Variants in LARGE1 observed in about 807,000 individuals in gnomAD.
LARGE1 encodes the protein LARGE xylosyl- and glucuronyltransferase 1.
LARGE1 carries 43 observed loss-of-function variants against 87.6 expected under a neutral mutation model. The observed-to-expected ratio is 0.49, with a 90% confidence interval of 0.38 to 0.63. LARGE1 has a LOEUF of 0.63. Among genes scored for constraint, LARGE1 ranks in the 30% least tolerant of loss-of-function variants. LARGE1 has a pLI of 0.00. For missense variants in LARGE1, 802 were observed against 1,000.2 expected (o/e 0.80, Z 2.67); for synonymous variants, 434 against 394.6 (o/e 1.10, Z -1.18).
intron 2 of LARGE1, among the ~76,000 whole-genome samples, chr22:33,686,284 G>A (rs2081940353): frequency 1.3e-5 from 2 of 152,038 alleles, no homozygotes; most frequent in Admixed American, 1.3e-4. Flanking sequence ...TTTCCCTGGT[G>A]TACCCAATCC....
intron 11 of LARGE1, among the ~76,000 whole-genome samples, chr22:33,171,218 A>G (rs1306538584): frequency 6.6e-6 from 1 of 152,204 alleles, no homozygotes; most frequent in Non-Finnish European, 1.5e-5. Flanking sequence ...GAAAGCATTC[A>G]GTCATATGGG....
intron 7 of LARGE1, among the ~76,000 whole-genome samples, chr22:33,394,081 C>CAAAAAAAAAAAAAAA (rs66531142): frequency 9.1e-6 from 1 of 109,988 alleles, no homozygotes. Context: ...GTGCAACTGC[C>CAAAAAAAAAAAAAAA]AAAAAAAAAA....
At chr22:33,683,410 T>A (rs1016311017) in intron 2 of LARGE1, among the ~76,000 whole-genome samples, 5 of 152,228 alleles carry the variant, frequency 3.3e-5, no homozygotes, top group Non-Finnish European at 7.3e-5. Flanking sequence ...TGGAACTATA[T>A]CATTGGCTCT....
intron 9 of LARGE1, among the ~76,000 whole-genome samples, chr22:33,362,451 A>G (rs2064421742): frequency 6.7e-6 from 1 of 149,740 alleles, no homozygotes; most frequent in Non-Finnish European, 1.5e-5. Flanking sequence ...TTGCCTCTTC[A>G]GTGAAAACAC....
chr22:33,918,435 G>A (rs1441888299), intron 1 of LARGE1, among the ~76,000 whole-genome samples: 1 of 152,176 alleles, frequency 6.6e-6, no homozygotes, highest in African/African-American at 2.4e-5. Context: ...GTTCGAGTGA[G>A]TTTTCTTCCT....
chr22:33,282,852 G>A (rs1426935917), intron 13 of LARGE1, among the ~76,000 whole-genome samples: 1 of 152,168 alleles, frequency 6.6e-6, no homozygotes, highest in Non-Finnish European at 1.5e-5. Context: ...GCACACAAAA[G>A]GGAGAACTCG....
intron 5 of LARGE1, 35 bp downstream of exon 5, chr22:33,604,400 G>T: frequency 6.2e-7 from 1 of 1,613,662 alleles, no homozygotes; most frequent in Non-Finnish European, 8.5e-7. Flanking sequence ...TCCAGCTAGA[G>T]GAGATCACGG....
In LARGE1 at chr22:33,431,381, T is replaced by A. The variant is rs887663276; in HGVS notation, c.892+780A>T. On this transcript the variant is annotated intron_variant, in intron 7 of 14. Coordinates refer to ENST00000397394, the MANE Select transcript of LARGE1 (RefSeq NM_133642.5). ...ACAGAGAAAGAAACTGAAGAGGAGA[T>A]GCAAGTTTGGGGCTAGTAACGAGGT... Among the ~76,000 whole-genome samples, 4 of 125,304 alleles carry A rather than the reference T, an allele frequency of 3.2e-5. No homozygotes were observed. In the East Asian group the frequency reaches 7.9e-4, roughly 25 times the overall value. The allele number at this position is 125,304 out of a possible 152,430, so 82.2% of individuals were successfully genotyped here. A position where few individuals can be genotyped will look rare whatever the true frequency, so the allele number is the denominator to read the frequency against.
intron 8 of LARGE1, among the ~76,000 whole-genome samples, chr22:33,382,905 C>T (rs2065204108): frequency 6.6e-6 from 1 of 152,080 alleles, no homozygotes; most frequent in South Asian, 2.1e-4. Flanking sequence ...TACTCTATCT[C>T]ATGTTTGAAA....
chr22:33,827,435 A>C (rs1032957538), intron 1 of LARGE1, among the ~76,000 whole-genome samples: 1 of 152,194 alleles, frequency 6.6e-6, no homozygotes, highest in Non-Finnish European at 1.5e-5. Flanking sequence ...CCCCGCCAAA[A>C]AAATACACAT....
chr22:33,093,938 C>T, the LARGE1 span, among the ~76,000 whole-genome samples: 1 of 150,278 alleles, frequency 6.7e-6, no homozygotes. Flanking sequence ...AAGCCATTCT[C>T]CTACCTCAGC....
intron 5 of LARGE1, among the ~76,000 whole-genome samples, chr22:33,599,621 T>C (rs990300343): frequency 6.6e-6 from 1 of 152,196 alleles, no homozygotes; most frequent in African/African-American, 2.4e-5. Flanking sequence ...TTCCCACAGT[T>C]CGTTTTTAAT....
intron 11 of LARGE1, among the ~76,000 whole-genome samples, chr22:33,245,594 C>T (rs988792589): frequency 6.6e-6 from 1 of 152,188 alleles, no homozygotes. Flanking sequence ...GATCTTGATG[C>T]TATTTCAAAC....
chr22:33,580,081 C>T (rs1474641554), intron 5 of LARGE1, among the ~76,000 whole-genome samples: 1 of 152,132 alleles, frequency 6.6e-6, no homozygotes, highest in Non-Finnish European at 1.5e-5. Flanking sequence ...GTAAAGCAGA[C>T]ACAAGGCGGC....
chr22:33,077,430 A>G, the LARGE1 span, among the ~76,000 whole-genome samples: 2 of 152,184 alleles, frequency 1.3e-5, no homozygotes, highest in African/African-American at 4.8e-5. Flanking sequence ...TAAGACTAAT[A>G]CATCTAAATA....
chr22:33,223,615 T>C (rs1028193623), intron 11 of LARGE1, among the ~76,000 whole-genome samples: 1 of 152,174 alleles, frequency 6.6e-6, no homozygotes, highest in Admixed American at 6.5e-5. Flanking sequence ...GTGATACTCA[T>C]ATGCCACATT....
chr22:33,865,674 G>A (rs2064072482), intron 1 of LARGE1, among the ~76,000 whole-genome samples: 1 of 152,008 alleles, frequency 6.6e-6, no homozygotes, highest in South Asian at 2.1e-4. Flanking sequence ...TCCTTGGGGA[G>A]AATCCAGCTA....
chr22:33,471,527 A>AT (rs1161513366), intron 6 of LARGE1, among the ~76,000 whole-genome samples: 9 of 152,138 alleles, frequency 5.9e-5, no homozygotes, highest in South Asian at 2.1e-4. Flanking sequence ...CTCATCATGA[A>AT]TTTTTTTGTA....
intron 7 of LARGE1, among the ~76,000 whole-genome samples, chr22:33,424,387 C>T (rs1408336959): frequency 6.6e-6 from 1 of 152,184 alleles, no homozygotes; most frequent in Non-Finnish European, 1.5e-5. Flanking sequence ...CCATCTCTCA[C>T]AGAATTCCTA....
Sources: gnomAD v4.1 joint callset for allele counts (sites outside exome capture counted in the v4.1 genomes callset) on GRCh38, gnomAD v4.1.1 for gene constraint, MANE v1.5 for transcripts, NCBI Gene and HGNC (gene_info 2026-07-23, HGNC 2026-07-21) for gene names.